Variants in ZNF25 observed in about 807,000 individuals in gnomAD.
ZNF25 encodes zinc finger protein 25, also known as zinc finger protein 25 (KOX 19).
In ZNF25, 21 loss-of-function variants were observed where a neutral mutation model predicts 30.9. The ratio of observed to expected loss-of-function variants is 0.68; its 90% CI spans 0.48 to 0.98. The LOEUF is 0.98. ZNF25 is among the 50% of genes least tolerant of loss of function. The probability of loss-of-function intolerance (pLI) is 0.00; values close to 1 mark genes in which losing one functional copy is unlikely to be tolerated. For missense variants in ZNF25, 501 were observed against 529.9 expected, an observed-to-expected ratio of 0.95 and a Z score of 0.54; for synonymous variants, 169 against 181.3, an observed-to-expected ratio of 0.93 and a Z score of 0.55.
At chr10:37,962,675 G>GC (rs1163680163) in intron 2 of ZNF25, among the ~76,000 whole-genome samples, 1 of 152,004 alleles carries the variant, frequency 6.6e-6, no homozygotes, top group African/African-American at 2.4e-5. Flanking sequence ...TATCCAGAAT[G>GC]ACCAAGATAA....
In ZNF25 at chr10:37,952,021, G is replaced by T; in HGVS notation, c.*106C>A. 1 of 1,025,102 alleles carries T rather than the reference G, an allele frequency of 9.8e-7. No homozygotes were observed. Among genetic ancestry groups the T allele is most frequent in the Non-Finnish European group, 1.4e-6 (1 of 713,338 alleles). 63.5% of individuals were successfully genotyped at this position (1,025,102 alleles called of 1,614,324 possible). On this transcript the variant is annotated 3_prime_UTR_variant, in exon 6 of 6. Transcript: ENST00000302609. ...ATACACAGAGAGAGCAAAGATTGTA[G>T]CTGAAAATTTCCCTCTATTGATGCG... is the stretch of plus-strand genomic sequence containing the variant.
At chr10:37,956,948 G>T in intron 4 of ZNF25, 72 bp downstream of exon 4, 2 of 915,004 alleles carry the variant, frequency 2.2e-6, no homozygotes, top group South Asian at 1.6e-5. Flanking sequence ...AGAGATTGCC[G>T]AAAAGTACTT....
At chr10:37,972,886 G>T (rs756965668) in intron 1 of ZNF25, among the ~76,000 whole-genome samples, 19 of 152,268 alleles carry the variant, frequency 1.2e-4, no homozygotes, top group Non-Finnish European at 1.6e-4. Flanking sequence ...ACCAGTAGCA[G>T]GCCAGGCACG....
At chr10:37,957,738 C>T (rs1564766967) in intron 2 of ZNF25, among the ~76,000 whole-genome samples, 192 bp from the exon 3 acceptor site, 1 of 152,110 alleles carries the variant, frequency 6.6e-6, no homozygotes, top group East Asian at 1.9e-4. Context: ...AGCTCCCACT[C>T]CATGCCTGGA....
At chr10:37,963,059 T>C (rs2062976969) in intron 2 of ZNF25, among the ~76,000 whole-genome samples, 1 of 33,796 alleles carries the variant, frequency 3.0e-5, no homozygotes, top group Non-Finnish European at 6.7e-5. Context: ...CTAGAATCTT[T>C]TTTTTTTTTT....
intron 1 of ZNF25, among the ~76,000 whole-genome samples, chr10:37,975,748 A>G (rs2063772158): frequency 6.6e-6 from 1 of 152,168 alleles, no homozygotes; most frequent in South Asian, 2.1e-4. Flanking sequence ...AGATTCCCCA[A>G]GCATTTTTGG....
chr10:37,965,446 T>C (rs2063130701), intron 2 of ZNF25, among the ~76,000 whole-genome samples: 1 of 152,214 alleles, frequency 6.6e-6, no homozygotes, highest in African/African-American at 2.4e-5. Context: ...TAAAGCAGAT[T>C]TCTTAACAGA....
At chr10:37,971,215 C>G (rs1688720274) in intron 2 of ZNF25, among the ~76,000 whole-genome samples, 1 of 151,404 alleles carries the variant, frequency 6.6e-6, no homozygotes, top group South Asian at 2.1e-4. Context: ...ACTCATGAGG[C>G]TGAGGCAGGA....
At chr10:37,972,796 A>T (rs983620700) in intron 1 of ZNF25, among the ~76,000 whole-genome samples, 1 of 152,254 alleles carries the variant, frequency 6.6e-6, no homozygotes, top group Non-Finnish European at 1.5e-5. Context: ...TTAGAAAAAC[A>T]TAAAGACTCC....
chr10:37,961,233 C>A (rs908795116), intron 2 of ZNF25, among the ~76,000 whole-genome samples: 11 of 152,166 alleles, frequency 7.2e-5, no homozygotes, highest in African/African-American at 2.7e-4. Flanking sequence ...GTTATATACA[C>A]ACATGGACAT....
At chr10:37,960,008 G>A (rs189498319) in intron 2 of ZNF25, among the ~76,000 whole-genome samples, 159 of 149,946 alleles carry the variant, frequency 1.1e-3, no homozygotes, top group South Asian at 4.0e-3. Flanking sequence ...TCTGCCTCCC[G>A]GGTTCACACC....
chr10:37,960,514 C>A (rs2062801752), intron 2 of ZNF25, among the ~76,000 whole-genome samples: 1 of 145,186 alleles, frequency 6.9e-6, no homozygotes, highest in Non-Finnish European at 1.5e-5. Context: ...ATCCCAGCTA[C>A]TCGGGAGGCT....
At chr10:37,972,605 C>T (rs2063551787) in intron 1 of ZNF25, among the ~76,000 whole-genome samples, 1 of 152,178 alleles carries the variant, frequency 6.6e-6, no homozygotes, top group Non-Finnish European at 1.5e-5. Context: ...TGACACAAAT[C>T]TACCTTCTAA....
At chr10:37,958,097 T>G (rs573744484) in intron 2 of ZNF25, among the ~76,000 whole-genome samples, 1 of 152,208 alleles carries the variant, frequency 6.6e-6, no homozygotes, top group Admixed American at 6.5e-5. Context: ...CATATCCCTG[T>G]CACTAAGTGA....
intron 2 of ZNF25, among the ~76,000 whole-genome samples, chr10:37,968,367 T>G (rs1212648523): frequency 6.7e-6 from 1 of 150,182 alleles, no homozygotes; most frequent in Non-Finnish European, 1.5e-5. Context: ...ATTTTTTTTT[T>G]TTTTTTAAGA....
chr10:37,960,030 T>A (rs2062765605), intron 2 of ZNF25, among the ~76,000 whole-genome samples: 1 of 152,086 alleles, frequency 6.6e-6, no homozygotes, highest in Non-Finnish European at 1.5e-5. Context: ...TTCTCCTGGC[T>A]CAGCCTCCCG....
intron 2 of ZNF25, among the ~76,000 whole-genome samples, chr10:37,960,640 A>AAAAAAAAC (rs2062819253): frequency 6.7e-6 from 1 of 150,054 alleles, no homozygotes; most frequent in Non-Finnish European, 1.5e-5. Flanking sequence ...AAAAAAAAAA[A>AAAAAAAAC]AAAACAAAGA....
chr10:37,953,542 G>T (rs1178092118), intron 5 of ZNF25, among the ~76,000 whole-genome samples, 153 bp downstream of exon 5: 1 of 152,160 alleles, frequency 6.6e-6, no homozygotes, highest in Non-Finnish European at 1.5e-5. Flanking sequence ...CTATGAAAAG[G>T]GGCAGTCCCA....
chr10:37,973,012 T>A (rs1404734179), intron 1 of ZNF25, among the ~76,000 whole-genome samples: 2 of 151,676 alleles, frequency 1.3e-5, no homozygotes, highest in Non-Finnish European at 2.9e-5. Context: ...CTACTAAAAG[T>A]ACAAAATTAG....
Sources: allele counts gnomAD v4.1 joint callset (sites outside exome capture counted in the v4.1 genomes callset), GRCh38; gene constraint gnomAD v4.1.1; transcripts MANE v1.5; gene names NCBI Gene and HGNC (gene_info 2026-07-23, HGNC 2026-07-21).